CNTNAP2: variants seen among roughly 807,000 people sequenced by gnomAD.
The protein encoded by CNTNAP2 is contactin-associated protein-like 2.
CNTNAP2 carries 98 observed loss-of-function variants against 155.2 expected under a neutral mutation model. The observed-to-expected ratio is 0.63, with a 90% CI of 0.54 to 0.75. CNTNAP2 has a LOEUF of 0.75. Among genes scored for constraint, CNTNAP2 ranks in the 30% least tolerant of loss-of-function variants. The pLI is 0.00. For synonymous variants in CNTNAP2, 651 were observed against 631.2 expected, an observed-to-expected ratio of 1.03 and a Z score of -0.47; for missense variants, 1,727 against 1,688.1, an observed-to-expected ratio of 1.02 and a Z score of -0.40.
chr7:146,236,920 G>A (rs1799483606), intron 1 of CNTNAP2, among the ~76,000 whole-genome samples: 1 of 152,130 alleles, frequency 6.6e-6, no homozygotes, highest in African/African-American at 2.4e-5. Context: ...GATTTTTCAT[G>A]TTTCAGGGTT....
intron 1 of CNTNAP2, among the ~76,000 whole-genome samples, chr7:146,294,971 T>C (rs1438800483): frequency 6.6e-6 from 1 of 152,212 alleles, no homozygotes; most frequent in Non-Finnish European, 1.5e-5. Context: ...AACCAATTAA[T>C]TATAAAATAT....
intron 18 of CNTNAP2, among the ~76,000 whole-genome samples, chr7:148,182,185 A>G (rs1018264409): frequency 6.6e-6 from 1 of 152,170 alleles, no homozygotes. Flanking sequence ...AGAACTCTAA[A>G]TAATGTGAAG....
intron 8 of CNTNAP2, among the ~76,000 whole-genome samples, chr7:147,135,653 G>A (rs1801463147): frequency 6.6e-6 from 1 of 151,130 alleles, no homozygotes; most frequent in Non-Finnish European, 1.5e-5. Flanking sequence ...TTTGATCAAA[G>A]TACAGTAAGA....
intron 1 of CNTNAP2, among the ~76,000 whole-genome samples, chr7:146,316,829 C>T (rs1429760689): frequency 6.6e-6 from 1 of 151,854 alleles, no homozygotes; most frequent in East Asian, 1.9e-4. Flanking sequence ...CTACTCTTTC[C>T]AAGAGCTATC....
chr7:147,160,010 A>G (rs1801997376), intron 8 of CNTNAP2, among the ~76,000 whole-genome samples: 1 of 152,100 alleles, frequency 6.6e-6, no homozygotes, highest in African/African-American at 2.4e-5. Flanking sequence ...CCTGGTTGAG[A>G]AAATATAATT....
chr7:146,630,025 A>T (rs993236690), intron 1 of CNTNAP2, among the ~76,000 whole-genome samples: 1 of 151,976 alleles, frequency 6.6e-6, no homozygotes, highest in Non-Finnish European at 1.5e-5. Context: ...GTACATGTGC[A>T]GAATGTGCAG....
At chr7:146,239,261 A>C (rs1173376114) in intron 1 of CNTNAP2, among the ~76,000 whole-genome samples, 1 of 152,182 alleles carries the variant, frequency 6.6e-6, no homozygotes, top group Non-Finnish European at 1.5e-5. Flanking sequence ...TTTGTACATA[A>C]ATGGATAATA....
At chr7:148,194,498 GA>G (rs572161309) in intron 18 of CNTNAP2, among the ~76,000 whole-genome samples, 189 of 152,240 alleles carry the variant, frequency 1.2e-3, no homozygotes, top group Non-Finnish European at 1.9e-3. Context: ...GAACCAGTAG[GA>G]TAAGTATAAT....
chr7:146,622,225 A>G (rs1378150349), intron 1 of CNTNAP2, among the ~76,000 whole-genome samples: 6 of 148,432 alleles, frequency 4.0e-5, no homozygotes, highest in South Asian at 2.1e-4. Context: ...GTGTGTGTGT[A>G]TATATATATG....
chr7:146,872,310 A>C (rs1795329247), intron 3 of CNTNAP2, among the ~76,000 whole-genome samples: 1 of 152,138 alleles, frequency 6.6e-6, no homozygotes, highest in African/African-American at 2.4e-5. Flanking sequence ...TATTTCAAAT[A>C]GAATTATTTT....
At chr7:146,794,372 G>C (rs1321450471) in intron 2 of CNTNAP2, among the ~76,000 whole-genome samples, 2 of 152,164 alleles carry the variant, frequency 1.3e-5, no homozygotes, top group African/African-American at 2.4e-5. Flanking sequence ...TTGATGATTA[G>C]AAGTTGATAG....
At chr7:148,096,856 ATCCC>A (rs1176628398) in intron 15 of CNTNAP2, among the ~76,000 whole-genome samples, 1 of 152,196 alleles carries the variant, frequency 6.6e-6, no homozygotes, top group Non-Finnish European at 1.5e-5. Context: ...AGATCTTAAT[ATCCC>A]TTAATATAAC....
At chr7:147,546,865 T>C (rs1799744254) in intron 11 of CNTNAP2, among the ~76,000 whole-genome samples, 1 of 152,182 alleles carries the variant, frequency 6.6e-6, no homozygotes, top group Admixed American at 6.5e-5. Flanking sequence ...GGGCATTGAC[T>C]TTACCAGATT....
At chr7:146,306,547 C>T (rs1231966841) in intron 1 of CNTNAP2, among the ~76,000 whole-genome samples, 1 of 152,134 alleles carries the variant, frequency 6.6e-6, no homozygotes, top group Non-Finnish European at 1.5e-5. Flanking sequence ...GCTTATCCAC[C>T]ACGATCAAGT....
chr7:148,196,988 A>G (rs1391768882), intron 18 of CNTNAP2, among the ~76,000 whole-genome samples: 1 of 152,176 alleles, frequency 6.6e-6, no homozygotes, highest in East Asian at 1.9e-4. Context: ...TAGGCTGCAA[A>G]TTTCTAAAAG....
intron 16 of CNTNAP2, among the ~76,000 whole-genome samples, chr7:148,123,949 AG>A (rs1804659685): frequency 6.6e-6 from 1 of 152,220 alleles, no homozygotes; most frequent in Non-Finnish European, 1.5e-5. Flanking sequence ...ACGGTCAAAA[AG>A]TCAGGTATCA....
intron 8 of CNTNAP2, among the ~76,000 whole-genome samples, chr7:147,251,562 C>T (rs983279711): frequency 1.3e-5 from 2 of 152,126 alleles, no homozygotes; most frequent in Admixed American, 1.3e-4. Context: ...AGAATTACCT[C>T]CTCTGGAGCT....
intron 5 of CNTNAP2, among the ~76,000 whole-genome samples, chr7:147,110,855 T>A (rs999818317): frequency 6.6e-6 from 1 of 152,242 alleles, no homozygotes; most frequent in African/African-American, 2.4e-5. Flanking sequence ...TGTATCTTTA[T>A]AATAGAATAA....
chr7:147,260,374 A>T (rs547301676), intron 8 of CNTNAP2, among the ~76,000 whole-genome samples: 44 of 152,350 alleles, frequency 2.9e-4, no homozygotes, highest in African/African-American at 9.9e-4. Flanking sequence ...TATAAAATGC[A>T]AGCCTATACC....
Sources: allele counts gnomAD v4.1 joint callset (sites outside exome capture counted in the v4.1 genomes callset), GRCh38; gene constraint gnomAD v4.1.1; transcripts MANE v1.5; gene names NCBI Gene and HGNC (gene_info 2026-07-23, HGNC 2026-07-21).